Variants in SAMD3 observed in about 807,000 individuals in gnomAD.
SAMD3 encodes sterile alpha motif domain containing 3, also known as sterile alpha motif domain-containing protein 3.
A neutral mutation model predicts 58.5 loss-of-function variants in SAMD3; 63 were observed. The observed-to-expected ratio is 1.08, with a 90% CI of 0.88 to 1.33. The LOEUF (loss-of-function observed/expected upper bound fraction) is 1.33, where lower values mean the gene tolerates loss of function less well. SAMD3 is among the 40% of genes most tolerant of loss of function. The pLI is 0.00. For synonymous variants in SAMD3, 220 were observed against 210.3 expected, an observed-to-expected ratio of 1.05 and a Z score of -0.40; for missense variants, 604 against 608.4, an observed-to-expected ratio of 0.99 and a Z score of 0.08.
intron 1 of SAMD3, among the ~76,000 whole-genome samples, chr6:130,319,835 T>C (rs1025382806): frequency 6.6e-5 from 10 of 152,052 alleles, no homozygotes; most frequent in Non-Finnish European, 1.0e-4. Flanking sequence ...AGAAGTAAAA[T>C]GCATGAAAGC....
At chr6:130,327,937 A>C (rs1776807934) in intron 1 of SAMD3, among the ~76,000 whole-genome samples, 1 of 152,204 alleles carries the variant, frequency 6.6e-6, no homozygotes, top group South Asian at 2.1e-4. Flanking sequence ...CAGGAGAATT[A>C]ATGAGGCAAG....
At chr6:130,339,196 G>T (rs917695066) in intron 1 of SAMD3, among the ~76,000 whole-genome samples, 1 of 152,078 alleles carries the variant, frequency 6.6e-6, no homozygotes, top group African/African-American at 2.4e-5. Context: ...ACAGGTGCCT[G>T]CCACCACGCC....
At chr6:130,269,450 G>C (rs1366120714) in intron 2 of SAMD3, among the ~76,000 whole-genome samples, 1 of 152,070 alleles carries the variant, frequency 6.6e-6, no homozygotes. Context: ...AGGAGTTTGT[G>C]ATTTTTGAGA....
Position 130,149,132 on chromosome 6 carries a change from C to T in SAMD3, c.1024-2951G>A, listed in dbSNP as rs1788903826. Reference sequence around the variant, plus strand: ...TTTTCCTAACCTTCCCCTTCCCAAGCTTCTAACTCTCTTCAACAGTGAGAT... The same window carrying T: ...TTTTCCTAACCTTCCCCTTCCCAAGTTTCTAACTCTCTTCAACAGTGAGAT... On this transcript the variant is annotated intron_variant, in intron 9 of 11. Coordinates refer to ENST00000439090, the MANE Select transcript of SAMD3 (RefSeq NM_001017373.4). Among the ~76,000 whole-genome samples, 4 of 152,194 alleles carry T rather than the reference C, an allele frequency of 2.6e-5. No individual in the cohort carries two copies. In the South Asian group the frequency reaches 8.3e-4, roughly 32 times the overall value.
At chr6:130,287,080 A>G (rs1045658403) in intron 2 of SAMD3, among the ~76,000 whole-genome samples, 2 of 152,074 alleles carry the variant, frequency 1.3e-5, no homozygotes, top group African/African-American at 4.8e-5. Flanking sequence ...TGGATGCCAC[A>G]TTTCTTACCT....
At chr6:130,280,466 G>A (rs921360505) in intron 2 of SAMD3, among the ~76,000 whole-genome samples, 2 of 152,074 alleles carry the variant, frequency 1.3e-5, no homozygotes, top group African/African-American at 4.8e-5. Context: ...CCTCCCCGTG[G>A]CACTCACATT....
intron 2 of SAMD3, among the ~76,000 whole-genome samples, chr6:130,292,263 C>CTTTTTTTTTTTTTTTTTTTT (rs1412339110): frequency 1.6e-5 from 2 of 125,824 alleles, no homozygotes; most frequent in Non-Finnish European, 3.3e-5. Flanking sequence ...CTTTTTTTTT[C>CTTTTTTTTTTTTTTTTTTTT]TTTCTTTCTT....
intron 1 of SAMD3, among the ~76,000 whole-genome samples, chr6:130,349,742 C>T (rs887149225): frequency 2.6e-5 from 4 of 152,160 alleles, no homozygotes; most frequent in African/African-American, 9.7e-5. Flanking sequence ...CATCTTGATA[C>T]CAAAGCTTGG....
intron 8 of SAMD3, among the ~76,000 whole-genome samples, chr6:130,174,855 A>G (rs1442145490): frequency 6.6e-6 from 1 of 152,216 alleles, no homozygotes; most frequent in Non-Finnish European, 1.5e-5. Flanking sequence ...TAAAGTACAT[A>G]CTTTCACCCG....
intron 1 of SAMD3, among the ~76,000 whole-genome samples, chr6:130,330,683 G>A (rs1042832635): frequency 5.9e-5 from 9 of 152,222 alleles, no homozygotes; most frequent in African/African-American, 2.2e-4. Context: ...GTAGCAACCA[G>A]TGGGGATACC....
intron 2 of SAMD3, among the ~76,000 whole-genome samples, chr6:130,279,806 T>C (rs369784392): frequency 3.3e-5 from 5 of 152,224 alleles, no homozygotes; most frequent in Middle Eastern, 6.8e-3. Context: ...TCTTTATAAA[T>C]TACCCAGTCT....
At chr6:130,164,679 C>T (rs1490637003) in intron 8 of SAMD3, among the ~76,000 whole-genome samples, 1 of 152,016 alleles carries the variant, frequency 6.6e-6, no homozygotes, top group Non-Finnish European at 1.5e-5. Context: ...TTGGGTCCTG[C>T]TCCTATCCCC....
At chr6:130,172,012 CAG>C (rs1276471932) in intron 8 of SAMD3, among the ~76,000 whole-genome samples, 1 of 152,162 alleles carries the variant, frequency 6.6e-6, no homozygotes, top group Non-Finnish European at 1.5e-5. Flanking sequence ...TCTGTTTTAT[CAG>C]AGACTAGGAT....
chr6:130,179,413 ACT>A (rs1253657643), intron 7 of SAMD3, among the ~76,000 whole-genome samples: 2 of 151,982 alleles, frequency 1.3e-5, no homozygotes, highest in Non-Finnish European at 2.9e-5. Context: ...TCCGTCAACC[ACT>A]CTGAAATAAA....
In SAMD3 at chr6:130,214,507, G is replaced by A. The variant is rs200173236; in HGVS notation, c.99C>T (p.Ala33=). 3.0e-4 allele frequency: 476 copies of A among 1,590,558 alleles called. 2 individuals carry two copies. The highest frequency in any genetic ancestry group is 2.6e-3 in the South Asian group (222 of 86,122). The change falls in exon 4 of 12, where the codon GCC becomes GCT. Residue 33 remains alanine (A), a synonymous_variant. Transcript: ENST00000439090. ...TCCGATCATTAAGTGCAAGAAGAGCGGCCCCACTTACTTCTTCCTCTGGGA... is the reference window on the plus strand; with the variant it reads ...TCCGATCATTAAGTGCAAGAAGAGCAGCCCCACTTACTTCTTCCTCTGGGA... The part of the protein sequence containing the change: ...HRFQEEEVSG[A]ALLALNDRMV...
intron 7 of SAMD3, among the ~76,000 whole-genome samples, chr6:130,182,072 A>AC (rs1792393713): frequency 2.3e-5 from 1 of 43,676 alleles, no homozygotes; most frequent in African/African-American, 7.0e-5. Context: ...CTCAAAAAAA[A>AC]AAAAAAAAAA....
At chr6:130,183,337 A>C (rs1465378060) in intron 7 of SAMD3, 1 of 20,592 alleles carries the variant, frequency 4.9e-5, no homozygotes, top group South Asian at 4.8e-4. Context: ...ACTCCGTCTC[A>C]AAAAAAAAAA....
chr6:130,185,032 T>G (rs1582836857), intron 5 of SAMD3, among the ~76,000 whole-genome samples: 1 of 152,210 alleles, frequency 6.6e-6, no homozygotes, highest in East Asian at 1.9e-4. Flanking sequence ...GTTAAGAAAA[T>G]TCTTCTAATT....
intron 2 of SAMD3, among the ~76,000 whole-genome samples, chr6:130,301,098 C>G (rs995472925): frequency 7.2e-5 from 11 of 152,132 alleles, no homozygotes; most frequent in Non-Finnish European, 1.6e-4. Flanking sequence ...TGATAATTTG[C>G]TGAGAATGAT....
Sources: gnomAD v4.1 joint callset for allele counts (sites outside exome capture counted in the v4.1 genomes callset) on GRCh38, gnomAD v4.1.1 for gene constraint, MANE v1.5 for transcripts, NCBI Gene and HGNC (gene_info 2026-07-23, HGNC 2026-07-21) for gene names.